Variants in UPF2 observed in about 807,000 individuals in gnomAD.
UPF2 encodes regulator of nonsense transcripts 2.
In UPF2, 17 loss-of-function variants were observed where a neutral mutation model predicts 141.4. The ratio of observed to expected loss-of-function variants is 0.12; its 90% CI spans 0.08 to 0.18. The LOEUF (loss-of-function observed/expected upper bound fraction) is 0.18. Ranked by LOEUF, UPF2 falls within the 10% of genes least tolerant of loss-of-function variation. UPF2 has a pLI of 1.00. For synonymous variants in UPF2, 540 were observed against 498.0 expected, an observed-to-expected ratio of 1.08 and a Z score of -1.12; for missense variants, 1,152 against 1,515.9, an observed-to-expected ratio of 0.76 and a Z score of 3.99.
chr10:11,999,556 AG>A (rs1167932636), intron 7 of UPF2, among the ~76,000 whole-genome samples: 1 of 151,174 alleles, frequency 6.6e-6, no homozygotes, highest in Non-Finnish European at 1.5e-5. Flanking sequence ...AAAAAAACTT[AG>A]TATTATCATC....
intron 15 of UPF2, among the ~76,000 whole-genome samples, chr10:11,951,332 G>A (rs1223006131): frequency 6.6e-6 from 1 of 152,044 alleles, no homozygotes; most frequent in African/African-American, 2.4e-5. Flanking sequence ...CAAAGTGCTG[G>A]GATTACAAGT....
In UPF2 at chr10:11,997,711, T is replaced by C. The variant is rs1428666704; in HGVS notation, c.1805A>G (p.Lys602Arg). The change falls in exon 8 of 22, where the codon AAG (lysine) becomes AGG (arginine). Residue 602 changes from lysine (K) to arginine (R), a missense_variant. This residue lies in a region of UPF2 where 739 missense variants were observed against 1,032.2 expected (regional missense o/e 0.72). Transcript: ENST00000357604. ...TATGAAGAGTGCCCGTACCAACTTC[T>C]TCCTGTTTGCTTTTGTGTTCATGTT... Reference protein sequence around the residue: ...CMNMNTKANRKKLVRALFIVP... With the variant: ...CMNMNTKANRRKLVRALFIVP... The C allele has an allele frequency of 5.6e-6, 9 of 1,613,800 alleles. No homozygotes were observed. Among genetic ancestry groups the C allele is most frequent in the Non-Finnish European group, 5.9e-6 (7 of 1,179,888 alleles).
At chr10:12,001,113 G>A (rs1322002318) in intron 6 of UPF2, among the ~76,000 whole-genome samples, 1 of 152,116 alleles carries the variant, frequency 6.6e-6, no homozygotes, top group Non-Finnish European at 1.5e-5. Flanking sequence ...AGCGAGAAAA[G>A]TATATTTTAA....
chr10:12,039,019 A>C (rs17473026), intron 1 of UPF2, among the ~76,000 whole-genome samples: 8,287 of 152,220 alleles, frequency 0.054, 284 homozygotes, highest in Non-Finnish European at 0.08. Flanking sequence ...ATTTTCAATT[A>C]AATATCCAAC....
intron 8 of UPF2, among the ~76,000 whole-genome samples, chr10:11,993,729 T>C (rs1418424330): frequency 6.6e-6 from 1 of 152,136 alleles, no homozygotes; most frequent in Non-Finnish European, 1.5e-5. Context: ...TCCCTGCACT[T>C]TCGGAGGCCA....
chr10:12,035,753 C>T lies in UPF2; in HGVS notation c.-18-312G>A, dbSNP rs139510363. 6.5e-5 allele frequency: 13 copies of T among 200,174 alleles called. No homozygotes were observed. In the South Asian group the frequency reaches 2.0e-3, roughly 31 times the overall value. The allele number at this position is 200,174 out of a possible 1,614,324, so 12.4% of individuals were successfully genotyped here. ...CCCATCACTCAGATTCAGCCACTATCAACTCCAAAACAATATGTCATTTAA... is the reference window on the plus strand; with the variant it reads ...CCCATCACTCAGATTCAGCCACTATTAACTCCAAAACAATATGTCATTTAA... On this transcript the variant is annotated intron_variant, in intron 1 of 21. Transcript: ENST00000357604.
intron 10 of UPF2, among the ~76,000 whole-genome samples, chr10:11,966,988 G>A (rs1436050707): frequency 6.6e-6 from 1 of 152,110 alleles, no homozygotes; most frequent in Non-Finnish European, 1.5e-5. Context: ...ATTAGTATTT[G>A]TATAGCATAT....
At chr10:11,983,036 C>CAACT (rs1381921796) in intron 8 of UPF2, among the ~76,000 whole-genome samples, 5 of 152,202 alleles carry the variant, frequency 3.3e-5, no homozygotes, top group African/African-American at 1.2e-4. Flanking sequence ...CCGTGGCAGA[C>CAACT]AGTTCACCAG....
At chr10:12,033,778 A>G (rs1834570712) in intron 2 of UPF2, among the ~76,000 whole-genome samples, 1 of 152,112 alleles carries the variant, frequency 6.6e-6, no homozygotes, top group Non-Finnish European at 1.5e-5. Flanking sequence ...TGAACTCCTG[A>G]GCTCAACCAA....
Position 11,943,147 on chromosome 10 carries a change from C to A in UPF2, c.3196G>T (p.Asp1066Tyr), listed in dbSNP as rs147684935. 1.7e-5 allele frequency: 28 copies of A among 1,610,654 alleles called. No homozygotes were observed. The highest frequency in any genetic ancestry group is 1.3e-5 in the African/African-American group (1 of 74,866). ...TCTTCCTCCTCTTCTTCTCCCTCAT[C>A]ATCATCATTATCAGAACCCTCCTGA... Reference protein sequence around the residue: ...EEEEGSDNDDDEGEEEEEENT... With the variant: ...EEEEGSDNDDYEGEEEEEENT... Residue 1066 changes from aspartate to tyrosine, a missense_variant, in exon 17 of 22, where the codon GAT becomes TAT. Transcript: ENST00000357604.
Position 11,959,091 on chromosome 10 carries a change from C to T in UPF2, c.2370+80G>A. 5.8e-6 allele frequency: 8 copies of T among 1,369,748 alleles called. No homozygotes were observed. The highest frequency in any genetic ancestry group is 1.9e-5 in the South Asian group (1 of 51,786). 84.8% of individuals were successfully genotyped at this position (1,369,748 alleles called of 1,614,324 possible). On this transcript the variant is annotated intron_variant, in intron 12 of 21. Transcript: ENST00000357604. The surrounding 1 kb of genome is among the most constrained non-coding windows in gnomAD (Gnocchi z 5.9). ...TAAAGGAACTTGAGCTCTACCCCCACTTCTCCTAGACTCTACATAAGCTTA... is the reference window on the plus strand; with the variant it reads ...TAAAGGAACTTGAGCTCTACCCCCATTTCTCCTAGACTCTACATAAGCTTA...
At position 11,921,123 on chromosome 10, in the gene UPF2, G is replaced by A; in HGVS notation, c.*175C>T. 1.2e-6 allele frequency: 1 copy of A among 867,790 alleles called. No homozygotes were observed. Among genetic ancestry groups the A allele is most frequent in the Non-Finnish European group, 2.0e-6 (1 of 499,498 alleles). 53.8% of individuals were successfully genotyped at this position (867,790 alleles called of 1,614,324 possible). On this transcript the variant is annotated 3_prime_UTR_variant, in exon 22 of 22. Coordinates refer to ENST00000357604, the MANE Select transcript of UPF2 (RefSeq NM_015542.4). The surrounding 1 kb of genome is among the most constrained non-coding windows in gnomAD (Gnocchi z 5.9). ...TGTCTGGAAGCGTCGGCTTGTTCCG[G>A]TGTTGGCAGAGGCTGGTGTTTCTGC...
chr10:11,954,476 A>G (rs1038826510), intron 14 of UPF2, among the ~76,000 whole-genome samples: 1 of 151,746 alleles, frequency 6.6e-6, no homozygotes, highest in Non-Finnish European at 1.5e-5. Context: ...TCTACCAAAA[A>G]TACAAAAATT....
chr10:11,993,154 A>C (rs1833809123), intron 8 of UPF2, among the ~76,000 whole-genome samples: 1 of 58,702 alleles, frequency 1.7e-5, no homozygotes, highest in Admixed American at 2.1e-4. Context: ...CACCTCAAAA[A>C]AAAAAAAAAA....
chr10:12,022,756 G>A (rs181898767), intron 3 of UPF2, among the ~76,000 whole-genome samples: 3 of 152,296 alleles, frequency 2.0e-5, no homozygotes, highest in East Asian at 3.9e-4. Flanking sequence ...GAAGGAAAGT[G>A]AAAGTAAAAG....
rs569367751 is a variant in UPF2 at position 12,004,879 on chromosome 10, TTC to T, written c.1307-154_1307-153del. The T allele has an allele frequency of 3.7e-4, 240 of 654,738 alleles. 1 individual carries two copies. In the African/African-American group the frequency reaches 4.1e-3, roughly 11 times the overall value. The allele number at this position is 654,738 out of a possible 1,614,324, so 40.6% of individuals were successfully genotyped here. On this transcript the variant is annotated intron_variant, in intron 4 of 21. Coordinates refer to ENST00000357604, the MANE Select transcript of UPF2 (RefSeq NM_015542.4). ...CAATTAACAAGCACATGTGACCGTTTTCAACACCAAATCACAAACTGTGTTTT... is the reference window on the plus strand; with the variant it reads ...CAATTAACAAGCACATGTGACCGTTTAACACCAAATCACAAACTGTGTTTT...
In UPF2 at chr10:12,014,284, A is replaced by G; in HGVS notation, c.1146-100T>C. 8.8e-7 allele frequency: 1 copy of G among 1,141,476 alleles called. No individual in the cohort carries two copies. Among genetic ancestry groups the G allele is most frequent in the Admixed American group, 3.8e-5 (1 of 26,590 alleles). 70.7% of individuals were successfully genotyped at this position (1,141,476 alleles called of 1,614,324 possible). A position where few individuals can be genotyped will look rare whatever the true frequency, so the allele number is the denominator to read the frequency against. On this transcript the variant is annotated intron_variant, in intron 3 of 21. Transcript: ENST00000357604. This position sits in a 1 kb window ranked among gnomAD's most constrained non-coding sequence, Gnocchi z 5.0. ...TCCATAATTTGATTTTCTCATACAA[A>G]TTTAGTAAAATCTTCATTTTTATTT...
rs538056479 is a variant in UPF2, at chr10:11,939,121, C to T, written c.3379-2409G>A. ...TCCTGACCTCGTGATCCTCCCACCT[C>T]GGCCTCCCAAAGTGATGGGATTACA... On this transcript the variant is annotated intron_variant, in intron 18 of 21. Coordinates refer to ENST00000357604, the MANE Select transcript of UPF2 (RefSeq NM_015542.4). This position sits in a 1 kb window ranked among gnomAD's most constrained non-coding sequence, Gnocchi z 4.8. 1.3e-5 allele frequency among the ~76,000 whole-genome samples: 2 copies of T among 152,164 alleles called. No individual in the cohort carries two copies. The highest frequency in any genetic ancestry group is 1.9e-4 in the East Asian group (1 of 5,180).
At chr10:11,974,667 C>G (rs867029182) in intron 9 of UPF2, among the ~76,000 whole-genome samples, 1 of 152,128 alleles carries the variant, frequency 6.6e-6, no homozygotes, top group Non-Finnish European at 1.5e-5. Context: ...TCTGTTTCTA[C>G]GATGGATTAC....
Sources: gnomAD v4.1 joint callset for allele counts (sites outside exome capture counted in the v4.1 genomes callset) on GRCh38, gnomAD v4.1.1 for gene constraint, gnomAD v4.1.1 regional missense constraint, Gnocchi (gnomAD v3.1) non-coding constraint, MANE v1.5 for transcripts, NCBI Gene and HGNC (gene_info 2026-07-23, HGNC 2026-07-21) for gene names.